KIAA1586: variants seen among roughly 807,000 people sequenced by gnomAD.
KIAA1586 encodes the protein E3 SUMO-protein ligase KIAA1586.
In KIAA1586, 5 loss-of-function variants were observed where a neutral mutation model predicts 6.1. The observed-to-expected ratio is 0.82, with a 90% CI of 0.43 to 1.73. The LOEUF (loss-of-function observed/expected upper bound fraction) is 1.73. Ranked by LOEUF, KIAA1586 falls within the 40% of genes most tolerant of loss-of-function variation. The pLI is 0.02. For synonymous variants in KIAA1586, 280 were observed against 301.7 expected (o/e 0.93, Z 0.75); for missense variants, 899 against 878.2 (o/e 1.02, Z -0.30).
chr6:57,054,136 G>A lies in KIAA1586; in HGVS notation c.1637G>A (p.Arg546Lys). 6.3e-7 allele frequency: 1 copy of A among 1,596,738 alleles called. No individual in the cohort carries two copies. The highest frequency in any genetic ancestry group is 1.7e-4 in the Middle Eastern group (1 of 5,952). Residue 546 changes from arginine to lysine, a missense_variant, in exon 4 of 4, where the codon AGA becomes AAA. By Grantham distance (26) the Arg-to-Lys change is conservative. Coordinates refer to ENST00000370733, the MANE Select transcript of KIAA1586 (RefSeq NM_020931.4). ...FSVLSTALQS[R>K]STNIKKAQKL... ...GTACTTTCAACTGCATTACAGTCAA[G>A]ATCAACTAATATTAAGAAAGCACAA...
chr6:57,055,736 AAAAG>A (rs2127913427), downstream of KIAA1586, among the ~76,000 whole-genome samples: 1 of 152,348 alleles, frequency 6.6e-6, no homozygotes, highest in African/African-American at 2.4e-5. Flanking sequence ...GGCATACTGA[AAAAG>A]AATCAAGTGG....
chr6:57,052,403 A>G (rs1209096866), intron 3 of KIAA1586, among the ~76,000 whole-genome samples: 2 of 152,202 alleles, frequency 1.3e-5, no homozygotes, highest in African/African-American at 2.4e-5. Flanking sequence ...AGGTGCAAAT[A>G]GCATACTCAT....
At position 57,053,676 on chromosome 6, in the gene KIAA1586, A is replaced by G; in HGVS notation, c.1177A>G (p.Asn393Asp). 1 of 1,611,782 alleles carries G rather than the reference A, an allele frequency of 6.2e-7. No homozygotes were observed. The highest frequency in any genetic ancestry group is 8.5e-7 in the Non-Finnish European group (1 of 1,178,230). ...AATTGCATTTTGTTCTGATGGTGCTAATACAATCCTGGGAAGAAAGTCTGG... is the reference window on the plus strand; with the variant it reads ...AATTGCATTTTGTTCTGATGGTGCTGATACAATCCTGGGAAGAAAGTCTGG... ...NLIAFCSDGA[N>D]TILGRKSGVA... is the part of the protein sequence containing the mutation. The change falls in exon 4 of 4, where the codon AAT (asparagine) becomes GAT (aspartate). Residue 393 changes from asparagine (N) to aspartate (D), a missense_variant. Asn to Asp is a conservative substitution (Grantham distance 23). Transcript: ENST00000370733.
chr6:57,064,367 G>C, the KIAA1586 span, among the ~76,000 whole-genome samples: 1 of 152,218 alleles, frequency 6.6e-6, no homozygotes, highest in Non-Finnish European at 1.5e-5. Flanking sequence ...AGTGCAGCCA[G>C]AGTGCTGCAA....
In KIAA1586 at chr6:57,053,932, G is replaced by A. The variant is rs766210734; in HGVS notation, c.1433G>A (p.Arg478Gln). ...GAAACTGAAATTATTAAAATTGGTC[G>A]AGTAATGGGACCAAGATGGGCGGCA... ...ELETEIIKIG[R>Q]VMGPRWAACS... The change falls in exon 4 of 4, where the codon CGA (arginine) becomes CAA (glutamine). Residue 478 changes from arginine to glutamine, a missense_variant. Arg to Gln is a conservative substitution (Grantham distance 43). Transcript: ENST00000370733. The A allele has an allele frequency of 4.4e-6, 7 of 1,580,408 alleles. No individual in the cohort carries two copies. Among genetic ancestry groups the A allele is most frequent in the Admixed American group, 1.9e-5 (1 of 52,504 alleles).
rs549347322 is a variant in KIAA1586 at position 57,046,966 on chromosome 6, C to G, written c.21+190C>G. 2.8e-5 allele frequency: 21 copies of G among 757,006 alleles called. No homozygotes were observed. The South Asian group carries it at 4.1e-4, about 15-fold the overall frequency. The allele number at this position is 757,006 out of a possible 1,614,324, so 46.9% of individuals were successfully genotyped here. On this transcript the variant is annotated intron_variant, in intron 1 of 3. Coordinates refer to ENST00000370733, the MANE Select transcript of KIAA1586 (RefSeq NM_020931.4). The stretch of plus-strand genomic sequence containing the variant: ...ACCCGCAGCAACAATGGCCGCCCGG[C>G]CCCCCGCACGGGCCCTGGCGTTCGT...
intron 3 of KIAA1586, among the ~76,000 whole-genome samples, chr6:57,052,326 CA>C (rs1828349603): frequency 6.6e-6 from 1 of 151,980 alleles, no homozygotes; most frequent in African/African-American, 2.4e-5. Context: ...GGAGGATATG[CA>C]AAGGTTGAGT....
In KIAA1586 at chr6:57,050,766, C is replaced by T; in HGVS notation, c.106-8C>T. 1 of 1,603,882 alleles carries T rather than the reference C, an allele frequency of 6.2e-7. No homozygotes were observed. Among genetic ancestry groups the T allele is most frequent in the Non-Finnish European group, 8.5e-7 (1 of 1,173,710 alleles). On this transcript the variant is annotated splice_polypyrimidine_tract_variant and splice_region_variant and intron_variant, in intron 2 of 3. Coordinates refer to ENST00000370733, the MANE Select transcript of KIAA1586 (RefSeq NM_020931.4). ...CATGACTTGTAAATTTGCCCACTTCCTTTTTAGGAAGGACCATCGAGACCT... is the reference window on the plus strand; with the variant it reads ...CATGACTTGTAAATTTGCCCACTTCTTTTTTAGGAAGGACCATCGAGACCT...
the KIAA1586 span, among the ~76,000 whole-genome samples, chr6:57,061,807 AAAT>A: frequency 2.6e-5 from 4 of 152,288 alleles, no homozygotes; most frequent in Admixed American, 2.6e-4. Flanking sequence ...TAGATTAAGA[AAAT>A]AAATAATTAC....
rs139647190 is a variant in KIAA1586 at position 57,053,790 on chromosome 6, A to G, written c.1291A>G (p.Ile431Val). 1.1e-4 allele frequency: 171 copies of G among 1,548,592 alleles called. No homozygotes were observed. Among genetic ancestry groups the G allele is most frequent in the Non-Finnish European group, 1.4e-4 (162 of 1,144,026 alleles). Residue 431 changes from isoleucine (I) to valine (V), a missense_variant, in exon 4 of 4, where the codon ATA (isoleucine) becomes GTA (valine). By Grantham distance (29) the Ile-to-Val change is conservative. Transcript: ENST00000370733. ...ATTACAATTGTCACTTGATGATTCT[A>G]TATCCGAAATAAAACAAATTAATCA... ...HRLQLSLDDSISEIKQINHLK... is the reference protein window; with the variant it reads ...HRLQLSLDDSVSEIKQINHLK...
chr6:57,050,742 A>C, intron 2 of KIAA1586, 32 bp from the exon 3 acceptor site: 1 of 1,441,702 alleles, frequency 6.9e-7, no homozygotes, highest in Non-Finnish European at 9.7e-7. Context: ...ATGATTGTTC[A>C]TGACTTGTAA....
chr6:57,061,054 T>C, the KIAA1586 span, among the ~76,000 whole-genome samples: 1 of 151,916 alleles, frequency 6.6e-6, no homozygotes, highest in African/African-American at 2.4e-5. Flanking sequence ...CTTGGCTCAC[T>C]GCAACCTCCA....
Position 57,055,012 on chromosome 6 carries a change from A to T in KIAA1586, c.*149A>T. 2 of 956,544 alleles carry T rather than the reference A, an allele frequency of 2.1e-6. No homozygotes were observed. Among genetic ancestry groups the T allele is most frequent in the Non-Finnish European group, 3.0e-6 (2 of 676,840 alleles). 59.3% of individuals were successfully genotyped at this position (956,544 alleles called of 1,614,324 possible). ...GTTCTTTAAGAAGATAATCTTGAAG[A>T]TTGGTTTTAGAAGCTATAGTTTTTT... is the stretch of plus-strand genomic sequence containing the variant. On this transcript the variant is annotated 3_prime_UTR_variant, in exon 4 of 4. Coordinates refer to ENST00000370733, the MANE Select transcript of KIAA1586 (RefSeq NM_020931.4).
the KIAA1586 span, among the ~76,000 whole-genome samples, chr6:57,065,254 C>A: frequency 6.6e-6 from 1 of 151,652 alleles, no homozygotes; most frequent in Admixed American, 6.6e-5. Context: ...ATATTTTGTT[C>A]CTAATTTTTC....
Position 57,052,877 on chromosome 6 carries a change from A to G in KIAA1586, c.378A>G (p.Lys126=), listed in dbSNP as rs1231837700. The G allele has an allele frequency of 1.9e-6, 3 of 1,612,940 alleles. No homozygotes were observed. The highest frequency in any genetic ancestry group is 2.5e-6 in the Non-Finnish European group (3 of 1,179,636). Residue 126 remains lysine, a synonymous_variant, in exon 4 of 4, where the codon AAA becomes AAG. Coordinates refer to ENST00000370733, the MANE Select transcript of KIAA1586 (RefSeq NM_020931.4). The stretch of plus-strand genomic sequence containing the variant: ...AAAAGCCATCACTTTCATCAAAGAA[A>G]GAAATAGATAATCTTGTGCTTCCAG... ...IEEKPSLSSK[K]EIDNLVLPDC...
chr6:57,054,717 G>T lies in KIAA1586; in HGVS notation c.2218G>T (p.Gly740Trp). The part of the protein sequence containing the change: ...VSDLMTINLL[G>W]KELADWDATP... The stretch of plus-strand genomic sequence containing the variant: ...AGATTTAATGACAATAAATTTACTG[G>T]GGAAAGAATTAGCAGATTGGGATGC... Residue 740 changes from glycine (G) to tryptophan (W), a missense_variant, in exon 4 of 4, where the codon GGG becomes TGG. Gly to Trp is a radical substitution (Grantham distance 184). Transcript: ENST00000370733. The T allele has an allele frequency of 6.4e-7, 1 of 1,551,452 alleles. No homozygotes were observed. The highest frequency in any genetic ancestry group is 1.2e-5 in the South Asian group (1 of 84,068).
intron 2 of KIAA1586, among the ~76,000 whole-genome samples, chr6:57,048,447 C>T (rs1828238716): frequency 6.6e-6 from 1 of 152,142 alleles, no homozygotes. Flanking sequence ...TTTACCCTGT[C>T]ACTTTCTGGA....
chr6:57,048,439 T>TTTGTGTATAAGTTC (rs1361789512), intron 2 of KIAA1586, among the ~76,000 whole-genome samples: 1 of 152,220 alleles, frequency 6.6e-6, no homozygotes, highest in Non-Finnish European at 1.5e-5. Flanking sequence ...ATAAGTTCTT[T>TTTGTGTATAAGTTC]ACCCTGTCAC....
In KIAA1586 at chr6:57,054,691, C is replaced by A; in HGVS notation, c.2192C>A (p.Ser731Ter). 6.4e-7 allele frequency: 1 copy of A among 1,552,804 alleles called. No homozygotes were observed. The highest frequency in any genetic ancestry group is 1.2e-5 in the South Asian group (1 of 84,412). The stretch of plus-strand genomic sequence containing the variant: ...AATAGTTTAACAATAGATCATGTAT[C>A]AGATTTAATGACAATAAATTTACTG... Reference protein sequence around the residue: ...VRNSLTIDHVSDLMTINLLGK... With the variant: ...VRNSLTIDHV Residue 731 changes from serine (S) to a stop codon, truncating the protein, a stop_gained, in exon 4 of 4, where the codon TCA (serine) becomes TAA (stop). Transcript: ENST00000370733. LOFTEE classifies it low-confidence loss of function (END_TRUNC).
Sources: gnomAD v4.1 joint callset for allele counts (sites outside exome capture counted in the v4.1 genomes callset) on GRCh38, gnomAD v4.1.1 for gene constraint, MANE v1.5 for transcripts, NCBI Gene and HGNC (gene_info 2026-07-23, HGNC 2026-07-21) for gene names.